GCSAML: variants seen among roughly 807,000 people sequenced by gnomAD.
GCSAML encodes the protein germinal center-associated signaling and motility-like protein.
GCSAML carries 9 observed loss-of-function variants against 13.0 expected under a neutral mutation model. The ratio of observed to expected loss-of-function variants is 0.69; its 90% CI spans 0.42 to 1.21. The LOEUF (loss-of-function observed/expected upper bound fraction) is 1.21, where lower values mean the gene tolerates loss of function less well. Ranked by LOEUF, GCSAML falls within the 50% of genes most tolerant of loss-of-function variation. The pLI, the probability that GCSAML is intolerant of heterozygous loss-of-function variation, is 0.00. For synonymous variants in GCSAML, 37 were observed against 52.9 expected (o/e 0.70, Z 1.31); for missense variants, 143 against 153.4 (o/e 0.93, Z 0.36).
At chr1:247,534,107 C>T (rs1667120596) in intron 2 of GCSAML, among the ~76,000 whole-genome samples, 1 of 152,204 alleles carries the variant, frequency 6.6e-6, no homozygotes, top group Non-Finnish European at 1.5e-5. Flanking sequence ...TGAAAACCCT[C>T]ACAACTCCCT....
chr1:247,556,501 G>C, intron 2 of GCSAML, 35 bp downstream of exon 2: 1 of 1,476,988 alleles, frequency 6.8e-7, no homozygotes, highest in African/African-American at 1.4e-5. Flanking sequence ...TTTTTGTTTT[G>C]TTTTGTTTTG....
rs1225356361 is a variant in GCSAML, at chr1:247,576,530, G to A, written c.*2148G>A. The stretch of plus-strand genomic sequence containing the variant: ...ACCACATTCCAGCTTGGGCAACAGA[G>A]TGAGACCCTGTCTCAAAAAAAAAAA... On this transcript the variant is annotated 3_prime_UTR_variant, in exon 5 of 5. Coordinates refer to ENST00000366488, the MANE Select transcript of GCSAML (RefSeq NM_145278.5). 6.6e-6 allele frequency: 1 copy of A among 152,394 alleles called. No homozygotes were observed. Among genetic ancestry groups the A allele is most frequent in the Non-Finnish European group, 1.5e-5 (1 of 68,476 alleles). The allele number at this position is 152,394 out of a possible 1,614,324, so 9.4% of individuals were successfully genotyped here.
rs1243839572 is a variant in GCSAML at position 247,554,162 on chromosome 1, T to C, written c.30-2245T>C. ...GAGAGAGTATATTTGTCACTTGAAG[T>C]TTGGTAAATTGTGTACGCAGCTGTG... On this transcript the variant is annotated intron_variant, in intron 1 of 4. Coordinates refer to ENST00000366488, the MANE Select transcript of GCSAML (RefSeq NM_145278.5). Among the ~76,000 whole-genome samples, 13 of 152,196 alleles carry C rather than the reference T, an allele frequency of 8.5e-5. 1 individual carries two copies. Among genetic ancestry groups the C allele is most frequent in the Non-Finnish European group, 7.4e-5 (5 of 68,024 alleles).
Position 247,574,142 on chromosome 1 carries a change from G to A in GCSAML, c.169-1G>A. On this transcript the variant is annotated splice_acceptor_variant, in intron 4 of 4. Transcript: ENST00000366488. LOFTEE classifies it high-confidence loss of function. ...ATTTCTTTTCTCTTTGTGCTTGGCA[G>A]GAAAACGAGAATGGCAGTGGTTCTG... 1.2e-6 allele frequency: 2 copies of A among 1,613,868 alleles called. No individual in the cohort carries two copies. Among genetic ancestry groups the A allele is most frequent in the Non-Finnish European group, 1.7e-6 (2 of 1,179,898 alleles).
chr1:247,544,422 C>T (rs1464271777), upstream of GCSAML, among the ~76,000 whole-genome samples: 1 of 152,290 alleles, frequency 6.6e-6, no homozygotes, highest in African/African-American at 2.4e-5. Context: ...ACACAACTCT[C>T]AGCTGTGATA....
chr1:247,564,140 G>A (rs961510468), intron 3 of GCSAML, among the ~76,000 whole-genome samples: 7 of 152,044 alleles, frequency 4.6e-5, no homozygotes, highest in African/African-American at 1.7e-4. Flanking sequence ...CACCATGTTG[G>A]CCAGGCTGGT....
intron 2 of GCSAML, among the ~76,000 whole-genome samples, chr1:247,543,313 A>G (rs1277228523): frequency 6.6e-6 from 1 of 152,224 alleles, no homozygotes; most frequent in Non-Finnish European, 1.5e-5. Flanking sequence ...GTACTACAAT[A>G]AGGTATTTTG....
intron 2 of GCSAML, among the ~76,000 whole-genome samples, chr1:247,559,719 G>A (rs1668060460): frequency 6.6e-6 from 1 of 152,192 alleles, no homozygotes; most frequent in African/African-American, 2.4e-5. Context: ...CTGGAAGTCT[G>A]AGATCAACAT....
At chr1:247,547,032 G>A (rs1667609607), upstream of GCSAML, among the ~76,000 whole-genome samples, 1 of 151,868 alleles carries the variant, frequency 6.6e-6, no homozygotes, top group Admixed American at 6.6e-5. Context: ...AGTCTGGGAG[G>A]TACAGGCTGC....
At chr1:247,522,757 C>G (rs1666498910) in intron 1 of GCSAML, among the ~76,000 whole-genome samples, 1 of 152,046 alleles carries the variant, frequency 6.6e-6, no homozygotes, top group African/African-American at 2.4e-5. Flanking sequence ...TCTCAAGTAC[C>G]CAGGGACACA....
upstream of GCSAML, among the ~76,000 whole-genome samples, chr1:247,544,686 CA>C (rs200446062): frequency 2.7e-3 from 411 of 151,090 alleles, 4 homozygotes; most frequent in East Asian, 0.017. Flanking sequence ...CTGTCTCTAC[CA>C]AAAAAAACAA....
At chr1:247,546,362 T>A (rs1472449198), upstream of GCSAML, among the ~76,000 whole-genome samples, 1 of 151,776 alleles carries the variant, frequency 6.6e-6, no homozygotes, top group Non-Finnish European at 1.5e-5. Flanking sequence ...TATTTTTTAT[T>A]TATTTTTATT....
intron 2 of GCSAML, chr1:247,531,835 AC>A: frequency 6.2e-7 from 1 of 1,614,128 alleles, no homozygotes; most frequent in Non-Finnish European, 8.5e-7. Context: ...GATCTTCAAC[AC>A]GGCCCGGGCA....
chr1:247,573,995 A>G (rs373899595), intron 4 of GCSAML, 148 bp from the exon 5 acceptor site: 33 of 784,184 alleles, frequency 4.2e-5, no homozygotes, highest in South Asian at 2.9e-4. Context: ...CTGCTTGTCT[A>G]TTATTGGTGT....
At chr1:247,515,195 A>C (rs1666169730) in intron 1 of GCSAML, among the ~76,000 whole-genome samples, 1 of 152,224 alleles carries the variant, frequency 6.6e-6, no homozygotes, top group Non-Finnish European at 1.5e-5. Flanking sequence ...ACCACGTGAA[A>C]GCTAAGGAGC....
At chr1:247,524,771 C>T (rs984210216) in intron 1 of GCSAML, 4 of 152,056 alleles carry the variant, frequency 2.6e-5, no homozygotes, top group African/African-American at 9.7e-5. Flanking sequence ...AAGGATAAAA[C>T]GTCCCACTAG....
intron 2 of GCSAML, among the ~76,000 whole-genome samples, chr1:247,541,756 T>C (rs1253477852): frequency 6.6e-6 from 1 of 152,126 alleles, no homozygotes; most frequent in Non-Finnish European, 1.5e-5. Flanking sequence ...ACATCTGTAA[T>C]CTCAGCACTT....
intron 2 of GCSAML, among the ~76,000 whole-genome samples, chr1:247,560,478 G>A (rs1668087247): frequency 6.6e-6 from 1 of 152,098 alleles, no homozygotes; most frequent in African/African-American, 2.4e-5. Context: ...CCGCCTTCCT[G>A]ATGACTTGGT....
chr1:247,520,446 C>A (rs1274599769), intron 1 of GCSAML, among the ~76,000 whole-genome samples: 1 of 152,096 alleles, frequency 6.6e-6, no homozygotes, highest in Non-Finnish European at 1.5e-5. Flanking sequence ...CTCAGAGTCT[C>A]CAGCCTACCC....
Sources: allele counts gnomAD v4.1 joint callset (sites outside exome capture counted in the v4.1 genomes callset), GRCh38; gene constraint gnomAD v4.1.1; transcripts MANE v1.5; gene names NCBI Gene and HGNC (gene_info 2026-07-23, HGNC 2026-07-21).